The following CDH12 variants were observed in gnomAD, a reference collection of about 807,000 sequenced individuals.
CDH12 encodes the protein cadherin-12.
Under a neutral mutation model 74.1 loss-of-function variants are expected in CDH12, and 41 were observed. That is an observed-to-expected ratio of 0.55 (90% CI 0.43 to 0.72). The LOEUF (loss-of-function observed/expected upper bound fraction) is 0.72, where lower values mean the gene tolerates loss of function less well. Among genes scored for constraint, CDH12 ranks in the 30% least tolerant of loss-of-function variants. The probability of loss-of-function intolerance (pLI) is 0.00; values close to 1 mark genes in which losing one functional copy is unlikely to be tolerated. For missense variants in CDH12, 945 were observed against 977.2 expected (o/e 0.97, Z 0.44); for synonymous variants, 399 against 355.0 (o/e 1.12, Z -1.39).
chr5:22,139,008 T>A (rs1746635691), intron 4 of CDH12, among the ~76,000 whole-genome samples: 1 of 150,800 alleles, frequency 6.6e-6, no homozygotes, highest in South Asian at 2.1e-4. Flanking sequence ...GGGAACCAGG[T>A]ACTCCTATAA....
At chr5:22,698,122 CT>C (rs10677695) in intron 1 of CDH12, among the ~76,000 whole-genome samples, 79 of 91,168 alleles carry the variant, frequency 8.7e-4, no homozygotes, top group African/African-American at 9.0e-4. Context: ...AAAGGCAGGG[CT>C]TTTTTTTTTT....
chr5:22,131,090 A>G (rs1746155664), intron 4 of CDH12, among the ~76,000 whole-genome samples: 1 of 152,028 alleles, frequency 6.6e-6, no homozygotes, highest in Non-Finnish European at 1.5e-5. Flanking sequence ...TATCCATTAT[A>G]ATTTTGAGGG....
At chr5:22,007,679 T>A (rs1236836078) in intron 5 of CDH12, among the ~76,000 whole-genome samples, 3 of 152,176 alleles carry the variant, frequency 2.0e-5, no homozygotes, top group African/African-American at 4.8e-5. Context: ...TGTATAGAGA[T>A]GCAAACCGAA....
intron 6 of CDH12, among the ~76,000 whole-genome samples, chr5:21,936,710 T>C (rs1308312171): frequency 1.3e-5 from 2 of 152,148 alleles, no homozygotes; most frequent in Admixed American, 6.5e-5. Flanking sequence ...TCAACTCGAA[T>C]TGTAATCCCC....
intron 4 of CDH12, among the ~76,000 whole-genome samples, chr5:22,155,568 A>AT (rs1336743753): frequency 1.3e-5 from 2 of 152,024 alleles, no homozygotes; most frequent in East Asian, 1.9e-4. Context: ...AAATATAGTA[A>AT]TTTTTTCTGG....
chr5:22,593,513 A>T (rs1357182308), intron 1 of CDH12, among the ~76,000 whole-genome samples: 6 of 151,466 alleles, frequency 4.0e-5, no homozygotes, highest in Non-Finnish European at 8.8e-5. Context: ...TTACATCTCA[A>T]CTCTCTGCTC....
chr5:22,086,249 C>G (rs1743059532), intron 4 of CDH12, among the ~76,000 whole-genome samples: 4 of 152,164 alleles, frequency 2.6e-5, no homozygotes, highest in Non-Finnish European at 5.9e-5. Context: ...TCCTGCCTCT[C>G]TGGCTTGTCC....
intron 4 of CDH12, among the ~76,000 whole-genome samples, chr5:22,150,491 T>C (rs994223688): frequency 1.3e-5 from 2 of 149,828 alleles, no homozygotes; most frequent in African/African-American, 4.9e-5. Flanking sequence ...AGAACACTTA[T>C]GTATATGTAG....
intron 5 of CDH12, among the ~76,000 whole-genome samples, chr5:22,029,283 G>C (rs1326062337): frequency 1.3e-5 from 2 of 152,078 alleles, no homozygotes; most frequent in African/African-American, 4.8e-5. Context: ...AAACTAAAGA[G>C]CGTCTGCACA....
chr5:21,943,505 A>C (rs1012703617), intron 6 of CDH12, among the ~76,000 whole-genome samples: 1 of 152,278 alleles, frequency 6.6e-6, no homozygotes, highest in East Asian at 1.9e-4. Context: ...TCAATCAATT[A>C]AACTTTTGCT....
intron 1 of CDH12, among the ~76,000 whole-genome samples, chr5:22,770,615 A>C (rs1279957368): frequency 6.6e-6 from 1 of 152,158 alleles, no homozygotes; most frequent in Admixed American, 6.5e-5. Context: ...AAAAGAAATG[A>C]CTTCCAAAAC....
intron 6 of CDH12, among the ~76,000 whole-genome samples, chr5:21,871,791 C>T (rs553721654): frequency 5.9e-5 from 9 of 152,220 alleles, no homozygotes; most frequent in South Asian, 2.1e-4. Context: ...TCCTGCACCA[C>T]GTGTAGGGTA....
chr5:21,833,350 A>ATATATAT (rs1415333313), intron 8 of CDH12, among the ~76,000 whole-genome samples: 2 of 67,826 alleles, frequency 2.9e-5, no homozygotes, highest in South Asian at 8.9e-4. Flanking sequence ...ATAACATATA[A>ATATATAT]TATATATTAT....
At chr5:22,453,037 T>C (rs1174388402) in intron 2 of CDH12, among the ~76,000 whole-genome samples, 2 of 151,786 alleles carry the variant, frequency 1.3e-5, no homozygotes, top group African/African-American at 4.8e-5. Flanking sequence ...CAATGAAGTA[T>C]CACCTCACTG....
At chr5:21,763,447 G>GA (rs1393666350) in intron 12 of CDH12, among the ~76,000 whole-genome samples, 1 of 152,060 alleles carries the variant, frequency 6.6e-6, no homozygotes, top group Non-Finnish European at 1.5e-5. Flanking sequence ...CATGGAAATT[G>GA]AAAAAGATAC....
At chr5:22,009,835 G>A (rs574024424) in intron 5 of CDH12, among the ~76,000 whole-genome samples, 2 of 150,526 alleles carry the variant, frequency 1.3e-5, no homozygotes, top group Non-Finnish European at 3.0e-5. Context: ...AAAATTAGCT[G>A]AGCGTGGTGG....
chr5:22,524,053 C>T (rs989697267), intron 1 of CDH12, among the ~76,000 whole-genome samples: 28 of 150,970 alleles, frequency 1.9e-4, no homozygotes, highest in African/African-American at 6.3e-4. Flanking sequence ...GCCATTACGG[C>T]TCACTGCAGC....
At chr5:21,903,773 G>T (rs985961782) in intron 6 of CDH12, among the ~76,000 whole-genome samples, 9 of 151,906 alleles carry the variant, frequency 5.9e-5, no homozygotes, top group Non-Finnish European at 1.0e-4. Flanking sequence ...GAAGTCAAAA[G>T]ATACAGTGAG....
At chr5:22,262,173 T>C (rs1753542679) in intron 3 of CDH12, among the ~76,000 whole-genome samples, 1 of 151,882 alleles carries the variant, frequency 6.6e-6, no homozygotes, top group Non-Finnish European at 1.5e-5. Context: ...ATTGTGCAGG[T>C]TAGTTACATA....
Sources: gnomAD v4.1 joint callset for allele counts (sites outside exome capture counted in the v4.1 genomes callset) on GRCh38, gnomAD v4.1.1 for gene constraint, MANE v1.5 for transcripts, NCBI Gene and HGNC (gene_info 2026-07-23, HGNC 2026-07-21) for gene names.